The following TOX2 variants were observed in gnomAD, a reference collection of about 807,000 sequenced individuals.
TOX2 encodes the protein TOX high mobility group box family member 2.
A neutral mutation model predicts 47.4 loss-of-function variants in TOX2; 15 were observed. The observed-to-expected ratio is 0.32, with a 90% CI of 0.21 to 0.49. TOX2 has a LOEUF of 0.49. TOX2 is among the 20% of genes least tolerant of loss of function. The probability of loss-of-function intolerance (pLI) is 0.99; values close to 1 mark genes in which losing one functional copy is unlikely to be tolerated. For synonymous variants in TOX2, 290 were observed against 296.6 expected (o/e 0.98, Z 0.23); for missense variants, 622 against 673.1 (o/e 0.92, Z 0.84).
At chr20:44,042,726 G>T (rs1487056213) in intron 3 of TOX2, among the ~76,000 whole-genome samples, 1 of 152,146 alleles carries the variant, frequency 6.6e-6, no homozygotes, top group African/African-American at 2.4e-5. Context: ...CATTATTATT[G>T]TTGTCATTAT....
intron 5 of TOX2, among the ~76,000 whole-genome samples, 174 bp downstream of exon 5, chr20:44,054,700 C>T (rs1039170990): frequency 1.3e-5 from 2 of 152,192 alleles, no homozygotes; most frequent in African/African-American, 2.4e-5. Flanking sequence ...CCTTCCAATT[C>T]TACTAACCAA....
intron 3 of TOX2, among the ~76,000 whole-genome samples, chr20:44,049,752 C>G (rs2071475985): frequency 6.6e-6 from 1 of 152,074 alleles, no homozygotes; most frequent in Non-Finnish European, 1.5e-5. Flanking sequence ...GTTTGGTTTT[C>G]TGTTCCTGCA....
At chr20:44,053,599 C>CAT (rs1293825650) in intron 4 of TOX2, among the ~76,000 whole-genome samples, 7 of 74,800 alleles carry the variant, frequency 9.4e-5, no homozygotes, top group African/African-American at 3.5e-4. Context: ...TATACACACA[C>CAT]ATATATATAC....
chr20:43,955,311 G>T (rs1348449485), intron 1 of TOX2: 1 of 984,842 alleles, frequency 1.0e-6, no homozygotes, highest in Admixed American at 6.1e-5. Flanking sequence ...TCACAGGAGG[G>T]CCCATGGGGG....
At chr20:44,006,320 T>C (rs1417530153) in intron 2 of TOX2, among the ~76,000 whole-genome samples, 1 of 152,120 alleles carries the variant, frequency 6.6e-6, no homozygotes, top group Non-Finnish European at 1.5e-5. Context: ...AGGGCAGGCT[T>C]CTGTGTGCAG....
chr20:43,961,759 C>T (rs1287852481), intron 1 of TOX2, among the ~76,000 whole-genome samples: 3 of 152,104 alleles, frequency 2.0e-5, no homozygotes, highest in South Asian at 2.1e-4. Context: ...TTCGATGAGA[C>T]TCTGGGGACG....
chr20:44,050,183 CAATTTGT>C, intron 3 of TOX2, among the ~76,000 whole-genome samples: 1 of 152,186 alleles, frequency 6.6e-6, no homozygotes, highest in South Asian at 2.1e-4. Context: ...TAAATATATA[CAATTTGT>C]CATTTGTCAA....
chr20:43,964,738 G>A (rs2069821387), intron 1 of TOX2, among the ~76,000 whole-genome samples: 1 of 152,188 alleles, frequency 6.6e-6, no homozygotes, highest in Non-Finnish European at 1.5e-5. Flanking sequence ...TTGACAGTGG[G>A]GCTGCTGCTC....
chr20:44,047,095 T>C (rs2071422404), intron 3 of TOX2, among the ~76,000 whole-genome samples: 1 of 152,220 alleles, frequency 6.6e-6, no homozygotes, highest in Non-Finnish European at 1.5e-5. Flanking sequence ...ATGTAGACTA[T>C]TTTAAAAATA....
rs2069048924 is a variant in TOX2, at chr20:43,915,781, G to A, written c.99+791G>A. ...GGCCAATCGAGGCCTGTGTCCTCCC[G>A]GGAGCGGTGAGCCGGCGTCCCTCCA... On this transcript the variant is annotated intron_variant, in intron 1 of 8. Coordinates refer to ENST00000341197, the MANE Select transcript of TOX2 (RefSeq NM_001098797.2). The surrounding 1 kb of genome is among the most constrained non-coding windows in gnomAD (Gnocchi z 7.1). 6.6e-6 allele frequency among the ~76,000 whole-genome samples: 1 copy of A among 152,264 alleles called. No homozygotes were observed. The highest frequency in any genetic ancestry group is 2.4e-5 in the African/African-American group (1 of 41,482).
intron 3 of TOX2, among the ~76,000 whole-genome samples, chr20:44,016,687 C>T (rs2070884015): frequency 6.6e-6 from 1 of 152,174 alleles, no homozygotes; most frequent in Non-Finnish European, 1.5e-5. Flanking sequence ...TGGTTGAGAG[C>T]CTCCGCCTGC....
At chr20:43,927,598 TTCCTTCCTTCCTTCCTTCCTTCCTTCC>T (rs1451691207) in intron 1 of TOX2, among the ~76,000 whole-genome samples, 112 of 3,758 alleles carry the variant, frequency 0.03, no homozygotes, top group African/African-American at 0.062. Context: ...ATTTCCTTCC[TTCCTTCCTTCCTTCCTTCCTTCCTTCC>T]TCCTTCCTTC....
intron 3 of TOX2, among the ~76,000 whole-genome samples, chr20:44,011,709 C>A (rs901300534): frequency 1.3e-5 from 2 of 152,228 alleles, no homozygotes; most frequent in African/African-American, 2.4e-5. Context: ...GTTGTCTGCA[C>A]AGATCGAGAT....
chr20:44,030,460 C>A (rs1837690762), intron 3 of TOX2, among the ~76,000 whole-genome samples: 2 of 152,284 alleles, frequency 1.3e-5, no homozygotes, highest in Non-Finnish European at 2.9e-5. Context: ...CAATGTCTTC[C>A]CCTGGCATTC....
At chr20:43,923,639 G>A (rs990555748) in intron 1 of TOX2, among the ~76,000 whole-genome samples, 1 of 152,238 alleles carries the variant, frequency 6.6e-6, no homozygotes, top group African/African-American at 2.4e-5. Context: ...GGGGCATGGA[G>A]CCCCGGTGTG....
chr20:44,010,029 G>T (rs1483766520), intron 3 of TOX2, among the ~76,000 whole-genome samples: 3 of 152,196 alleles, frequency 2.0e-5, no homozygotes, highest in African/African-American at 7.2e-5. Flanking sequence ...GTGTATCGGA[G>T]ATAATGTATG....
chr20:43,985,087 T>A (rs183591508), intron 2 of TOX2, among the ~76,000 whole-genome samples: 19 of 152,326 alleles, frequency 1.2e-4, no homozygotes, highest in Non-Finnish European at 2.4e-4. Flanking sequence ...TGGGTTCTTA[T>A]CTTCTGGAGG....
At chr20:44,063,245 G>C (rs1336244625) in intron 5 of TOX2, among the ~76,000 whole-genome samples, 1 of 151,914 alleles carries the variant, frequency 6.6e-6, no homozygotes, top group Non-Finnish European at 1.5e-5. Flanking sequence ...TTTCGACAAA[G>C]GACTAATATC....
intron 4 of TOX2, among the ~76,000 whole-genome samples, chr20:44,053,439 T>TAC (rs111951284): frequency 0.041 from 5,907 of 143,022 alleles, 160 homozygotes; most frequent in Middle Eastern, 0.16. Flanking sequence ...GGCAGATATA[T>TAC]ACACACACAC....
Sources: gnomAD v4.1 joint callset for allele counts (sites outside exome capture counted in the v4.1 genomes callset) on GRCh38, gnomAD v4.1.1 for gene constraint, Gnocchi (gnomAD v3.1) non-coding constraint, MANE v1.5 for transcripts, NCBI Gene and HGNC (gene_info 2026-07-23, HGNC 2026-07-21) for gene names.